PCDHA5: variants seen among roughly 807,000 people sequenced by gnomAD.
The protein encoded by PCDHA5 is protocadherin alpha 5.
PCDHA5 carries 43 observed loss-of-function variants against 61.6 expected under a neutral mutation model. That is an observed-to-expected ratio of 0.70 (90% CI 0.55 to 0.90). The LOEUF (loss-of-function observed/expected upper bound fraction) is 0.90, where lower values mean the gene tolerates loss of function less well. Ranked by LOEUF, PCDHA5 falls within the 40% of genes least tolerant of loss-of-function variation. The pLI, the probability that PCDHA5 is intolerant of heterozygous loss-of-function variation, is 0.00. For synonymous variants in PCDHA5, 627 were observed against 543.9 expected, an observed-to-expected ratio of 1.15 and a Z score of -2.13; for missense variants, 1,298 against 1,222.7, an observed-to-expected ratio of 1.06 and a Z score of -0.92.
At chr5:140,944,438 C>T (rs1585166190) in intron 1 of PCDHA5, among the ~76,000 whole-genome samples, 2 of 152,154 alleles carry the variant, frequency 1.3e-5, no homozygotes, top group Non-Finnish European at 2.9e-5. Flanking sequence ...CTGCCTGCCT[C>T]GGCCTCCCAA....
chr5:140,969,554 T>C (rs2096342030), intron 1 of PCDHA5: 12 of 1,222,074 alleles, frequency 9.8e-6, no homozygotes, highest in Non-Finnish European at 1.3e-5. Context: ...TGAAGCCTTG[T>C]CCATAAAATT....
intron 3 of PCDHA5, among the ~76,000 whole-genome samples, chr5:140,997,904 A>G (rs1446627520): frequency 6.6e-6 from 1 of 152,224 alleles, no homozygotes; most frequent in Non-Finnish European, 1.5e-5. Flanking sequence ...TTCAAGAAGT[A>G]GAATTACAGA....
At chr5:140,829,843 A>C in intron 1 of PCDHA5, 1 of 1,613,926 alleles carries the variant, frequency 6.2e-7, no homozygotes, top group Non-Finnish European at 8.5e-7. Flanking sequence ...TGCCGCGGTC[A>C]CTGGGTGCAG....
chr5:140,848,711 G>A (rs2150418509), intron 1 of PCDHA5: 14 of 1,592,432 alleles, frequency 8.8e-6, no homozygotes, highest in Non-Finnish European at 1.2e-5. Flanking sequence ...AAGGCCGCGG[G>A]GACCTTCTGG....
intron 1 of PCDHA5, among the ~76,000 whole-genome samples, chr5:140,943,553 CAAT>C (rs1554215748): frequency 6.6e-6 from 1 of 152,026 alleles, no homozygotes; most frequent in East Asian, 1.9e-4. Context: ...TAGACGTAGA[CAAT>C]AATCATTTTA....
At chr5:140,982,207 C>T (rs868956427) in intron 2 of PCDHA5, 8 of 429,564 alleles carry the variant, frequency 1.9e-5, no homozygotes, top group East Asian at 1.5e-4. Flanking sequence ...ATTTAGTGAG[C>T]GCCACATGGC....
Position 141,011,490 on chromosome 5 carries a change from A to T in PCDHA5, c.*1553A>T, listed in dbSNP as rs2098420792. On this transcript the variant is annotated 3_prime_UTR_variant, in exon 4 of 4. Transcript: ENST00000529859. ...GTAATTCCATTATATTTCCTTTTGT[A>T]CACCTGTGAAAAAGTGGAGTAGTGT... The T allele has an allele frequency of 1.3e-5, 2 of 153,734 alleles. No homozygotes were observed. The highest frequency in any genetic ancestry group is 2.9e-5 in the Non-Finnish European group (2 of 68,036). 9.5% of individuals were successfully genotyped at this position (153,734 alleles called of 1,614,324 possible). A position where few individuals can be genotyped will look rare whatever the true frequency, so the allele number is the denominator to read the frequency against.
chr5:140,882,935 ACTGGCACAGTTCAG>A (rs2153388631), intron 1 of PCDHA5: 1 of 1,614,238 alleles, frequency 6.2e-7, no homozygotes, highest in East Asian at 2.2e-5. Flanking sequence ...ACCCGAGCTG[ACTGGCACAGTTCAG>A]CTGCTCATCA....
At position 140,856,900 on chromosome 5, in the gene PCDHA5, C is replaced by T. The variant is rs782598308; in HGVS notation, c.2352+32773C>T. On this transcript the variant is annotated intron_variant, in intron 1 of 3. Coordinates refer to ENST00000529859, the MANE Select transcript of PCDHA5 (RefSeq NM_018908.3). ...TGATGTATTCATTTAGCTCTTTGGT[C>T]CCACCCACGATAAGAAGGAAATTTT... The T allele has an allele frequency of 1.0e-5, 16 of 1,596,132 alleles. No homozygotes were observed. In the East Asian group the frequency reaches 2.7e-4, roughly 27 times the overall value.
rs2052689459 is a variant in PCDHA5, at chr5:140,871,081, G to T, written c.2352+46954G>T. 9 of 1,613,214 alleles carry T rather than the reference G, an allele frequency of 5.6e-6. No homozygotes were observed. The African/African-American group carries it at 6.7e-5, about 12-fold the overall frequency. On this transcript the variant is annotated intron_variant, in intron 1 of 3. Coordinates refer to ENST00000529859, the MANE Select transcript of PCDHA5 (RefSeq NM_018908.3). ...GGATCACGGTGAGCCGGCGCTGACG[G>T]CCACGGCCACCGTGCTGGTGTCGTT... is the stretch of plus-strand genomic sequence containing the variant.
At chr5:140,904,754 C>G (rs2071365435) in intron 1 of PCDHA5, among the ~76,000 whole-genome samples, 1 of 152,068 alleles carries the variant, frequency 6.6e-6, no homozygotes, top group South Asian at 2.1e-4. Context: ...ACCATTTTTG[C>G]AAGAATAAGA....
intron 1 of PCDHA5, among the ~76,000 whole-genome samples, chr5:140,916,133 G>A (rs2077446110): frequency 6.6e-6 from 1 of 152,114 alleles, no homozygotes; most frequent in Non-Finnish European, 1.5e-5. Flanking sequence ...AAGCTTAAGG[G>A]CTGTTCAGTT....
chr5:140,907,997 T>G (rs1352895327), intron 1 of PCDHA5, among the ~76,000 whole-genome samples: 1 of 152,186 alleles, frequency 6.6e-6, no homozygotes, highest in East Asian at 1.9e-4. Flanking sequence ...TCCTTAACCA[T>G]CCAGCCAAAC....
At chr5:140,878,153 A>G (rs554763085) in intron 1 of PCDHA5, 21 of 178,230 alleles carry the variant, frequency 1.2e-4, no homozygotes, top group Non-Finnish European at 2.3e-4. Context: ...TGATAACTTA[A>G]AAATTTAATT....
rs2150380151 is a variant in PCDHA5 at position 140,845,602 on chromosome 5, T to C, written c.2352+21475T>C. Among the ~76,000 whole-genome samples, 10 of 149,646 alleles carry C rather than the reference T, an allele frequency of 6.7e-5. 1 individual carries two copies. Among genetic ancestry groups the C allele is most frequent in the African/African-American group, 2.4e-4 (10 of 40,860 alleles). On this transcript the variant is annotated intron_variant, in intron 1 of 3. Coordinates refer to ENST00000529859, the MANE Select transcript of PCDHA5 (RefSeq NM_018908.3). ...TTGAAATGTGTCAGAAGTTAGTTATTAAGTATTGTGGATTCTGAAGCTCTC... is the reference window on the plus strand; with the variant it reads ...TTGAAATGTGTCAGAAGTTAGTTATCAAGTATTGTGGATTCTGAAGCTCTC...
chr5:140,975,686 A>G (rs558112597), intron 1 of PCDHA5, among the ~76,000 whole-genome samples: 1 of 152,328 alleles, frequency 6.6e-6, no homozygotes, highest in East Asian at 1.9e-4. Flanking sequence ...AAAATAGGGT[A>G]TTTTAAACTT....
intron 1 of PCDHA5, chr5:140,836,388 CTGG>C (rs2150259594): frequency 6.8e-6 from 11 of 1,613,628 alleles, no homozygotes; most frequent in Non-Finnish European, 9.3e-6. Context: ...GCTGGTGTCG[CTGG>C]TGGAAAGCGG....
intron 1 of PCDHA5, chr5:140,869,390 G>A: frequency 1.2e-6 from 2 of 1,614,230 alleles, no homozygotes; most frequent in Non-Finnish European, 1.7e-6. Flanking sequence ...GAGGAGCTGT[G>A]CGGGCAGAGC....
intron 1 of PCDHA5, chr5:140,831,368 G>GTA (rs1424031923): frequency 4.0e-5 from 6 of 151,578 alleles, no homozygotes; most frequent in Admixed American, 4.0e-4. Flanking sequence ...TTGTATGTGT[G>GTA]TGTGTGTGTG....
Sources: allele counts gnomAD v4.1 joint callset (sites outside exome capture counted in the v4.1 genomes callset), GRCh38; gene constraint gnomAD v4.1.1; transcripts MANE v1.5; gene names NCBI Gene and HGNC (gene_info 2026-07-23, HGNC 2026-07-21).